The following ARHGEF7 variants were observed in gnomAD, a reference collection of about 807,000 sequenced individuals.
ARHGEF7 encodes PAK-interacting exchange factor beta.
A neutral mutation model predicts 109.8 loss-of-function variants in ARHGEF7; 33 were observed. The ratio of observed to expected loss-of-function variants is 0.30; its 90% CI spans 0.23 to 0.40. The LOEUF (loss-of-function observed/expected upper bound fraction) is 0.40, where lower values mean the gene tolerates loss of function less well. ARHGEF7 is among the 10% of genes least tolerant of loss of function. ARHGEF7 has a pLI of 1.00. For synonymous variants in ARHGEF7, 458 were observed against 424.6 expected, an observed-to-expected ratio of 1.08 and a Z score of -0.97; for missense variants, 938 against 1,098.5, an observed-to-expected ratio of 0.85 and a Z score of 2.07.
intron 6 of ARHGEF7, among the ~76,000 whole-genome samples, chr13:111,242,570 T>G (rs1595098838): frequency 6.6e-6 from 1 of 152,226 alleles, no homozygotes; most frequent in South Asian, 2.1e-4. Flanking sequence ...TGTAATGTGA[T>G]TTCCTGATTT....
At chr13:111,171,246 A>G (rs1425839083) in intron 2 of ARHGEF7, among the ~76,000 whole-genome samples, 1 of 152,186 alleles carries the variant, frequency 6.6e-6, no homozygotes, top group African/African-American at 2.4e-5. Flanking sequence ...GGAGGCTAAG[A>G]TAGTTTAAAC....
intron 2 of ARHGEF7, among the ~76,000 whole-genome samples, chr13:111,185,552 A>T (rs796345747): frequency 3.3e-5 from 5 of 152,280 alleles, no homozygotes; most frequent in African/African-American, 1.2e-4. Flanking sequence ...TTTTGAAGTT[A>T]ATGGAATGGG....
chr13:111,139,539 TGGGTGCCTGCGTGGAGCACTGGC>T lies in ARHGEF7; in HGVS notation c.166-14333_166-14311del, dbSNP rs758428255. The stretch of plus-strand genomic sequence containing the variant: ...CACCCTGTGAAACCTGTGGCTCTTG[TGGGTGCCTGCGTGGAGCACTGGC>T]GGGTGCCTGCGTGGAGCACTGGCGG... On this transcript the variant is annotated intron_variant, in intron 1 of 21. Transcript: ENST00000646102. 4.3e-3 allele frequency among the ~76,000 whole-genome samples: 621 copies of T among 143,854 alleles called. 1 individual carries two copies. Among genetic ancestry groups the T allele is most frequent in the Admixed American group, 9.5e-3 (139 of 14,586 alleles). The allele number at this position is 143,854 out of a possible 152,430, so 94.4% of individuals were successfully genotyped here.
chr13:111,189,205 G>C (rs971829474), intron 2 of ARHGEF7, among the ~76,000 whole-genome samples: 50 of 152,334 alleles, frequency 3.3e-4, no homozygotes, highest in African/African-American at 1.1e-3. Context: ...TGCCTCTTCT[G>C]TCATATTTTG....
chr13:111,133,803 A>ATC, intron 1 of ARHGEF7, among the ~76,000 whole-genome samples: 1 of 31,840 alleles, frequency 3.1e-5, no homozygotes, highest in African/African-American at 1.0e-4. Context: ...ATATATATAT[A>ATC]TATATATATA....
chr13:111,200,061 G>A (rs1243366682), intron 2 of ARHGEF7, among the ~76,000 whole-genome samples: 1 of 151,978 alleles, frequency 6.6e-6, no homozygotes, highest in Non-Finnish European at 1.5e-5. Flanking sequence ...TGGACTACTC[G>A]GTGACTCCTC....
chr13:111,175,594 G>A (rs749799816), intron 2 of ARHGEF7, among the ~76,000 whole-genome samples: 20 of 152,280 alleles, frequency 1.3e-4, no homozygotes, highest in Non-Finnish European at 2.1e-4. Context: ...CCCAGGGGCG[G>A]GCCTCCTAAG....
chr13:111,121,408 A>G (rs998701769), intron 1 of ARHGEF7, among the ~76,000 whole-genome samples: 1 of 152,236 alleles, frequency 6.6e-6, no homozygotes, highest in African/African-American at 2.4e-5. Context: ...TACACCACAC[A>G]CACTTTTAAA....
At chr13:111,171,888 C>T (rs1046966167) in intron 2 of ARHGEF7, among the ~76,000 whole-genome samples, 2 of 152,156 alleles carry the variant, frequency 1.3e-5, no homozygotes, top group South Asian at 4.1e-4. Flanking sequence ...GACCTCTGCC[C>T]CCGTGCCATG....
rs919089607 is a variant in ARHGEF7, at chr13:111,274,885, A to G, written c.1272+95A>G. ...ACTGAAAAAGTCAAATGATTAAAAA[A>G]TGACTTGTGCTGACATGAAAGAAAA... On this transcript the variant is annotated intron_variant, in intron 11 of 21. Transcript: ENST00000646102. 4.5e-6 allele frequency: 4 copies of G among 891,278 alleles called. No individual in the cohort carries two copies. The African/African-American group carries it at 7.0e-5, about 16-fold the overall frequency. The allele number at this position is 891,278 out of a possible 1,614,324, so 55.2% of individuals were successfully genotyped here.
chr13:111,279,288 C>G (rs1230927714), intron 13 of ARHGEF7, among the ~76,000 whole-genome samples: 1 of 152,082 alleles, frequency 6.6e-6, no homozygotes, highest in Non-Finnish European at 1.5e-5. Flanking sequence ...AGCCTGGGCA[C>G]TGCTGACGTT....
Position 111,131,854 on chromosome 13 carries a change from G to C in ARHGEF7, c.165+16163G>C, listed in dbSNP as rs1224061946. ...GAGCCCACATACTGGAGCAATGCAG[G>C]CATGCCCAGGACTGAAGAGGGGGCT... is the stretch of plus-strand genomic sequence containing the variant. On this transcript the variant is annotated intron_variant, in intron 1 of 21. Coordinates refer to ENST00000646102, the MANE Select transcript of ARHGEF7 (RefSeq NM_001354046.2). This position sits in a 1 kb window ranked among gnomAD's most constrained non-coding sequence, Gnocchi z 4.4. Among the ~76,000 whole-genome samples the C allele has an allele frequency of 6.6e-6, 1 of 152,198 alleles. No homozygotes were observed. Among genetic ancestry groups the C allele is most frequent in the Non-Finnish European group, 1.5e-5 (1 of 68,024 alleles).
At chr13:111,191,053 C>T (rs946517414) in intron 2 of ARHGEF7, among the ~76,000 whole-genome samples, 4 of 152,040 alleles carry the variant, frequency 2.6e-5, no homozygotes, top group African/African-American at 9.7e-5. Flanking sequence ...AGAAAGCATT[C>T]ACTAGTGGTG....
At chr13:111,269,070 T>C (rs547684373) in intron 9 of ARHGEF7, among the ~76,000 whole-genome samples, 2 of 152,294 alleles carry the variant, frequency 1.3e-5, no homozygotes, top group African/African-American at 4.8e-5. Context: ...GAACCCTCCC[T>C]CTGCACGTCC....
chr13:111,134,406 C>A (rs1421189737), intron 1 of ARHGEF7, among the ~76,000 whole-genome samples: 4 of 152,218 alleles, frequency 2.6e-5, no homozygotes, highest in Non-Finnish European at 5.9e-5. Flanking sequence ...TACAGTCCCA[C>A]CAACAGTGTA....
intron 2 of ARHGEF7, among the ~76,000 whole-genome samples, chr13:111,199,742 G>A (rs748757220): frequency 5.9e-5 from 9 of 152,210 alleles, no homozygotes; most frequent in Non-Finnish European, 1.2e-4. Context: ...AGATTGTAGA[G>A]CCTTTGATGA....
intron 4 of ARHGEF7, 84 bp from the exon 5 acceptor site, chr13:111,217,595 T>G: frequency 7.7e-7 from 1 of 1,292,236 alleles, no homozygotes; most frequent in Non-Finnish European, 1.1e-6. Context: ...TATGCTACCT[T>G]TGTACTAGTA....
intron 13 of ARHGEF7, 62 bp from the exon 14 acceptor site, chr13:111,280,210 T>C: frequency 6.7e-7 from 1 of 1,486,392 alleles, no homozygotes; most frequent in Non-Finnish European, 9.2e-7. Flanking sequence ...ACTTTAATAA[T>C]GGTACCTTTT....
intron 4 of ARHGEF7, among the ~76,000 whole-genome samples, chr13:111,217,342 G>A (rs1342030297): frequency 2.0e-5 from 3 of 152,234 alleles, no homozygotes; most frequent in Non-Finnish European, 4.4e-5. Context: ...GTAAGCACCA[G>A]TAAGTACTGC....
Sources: gnomAD v4.1 joint callset for allele counts (sites outside exome capture counted in the v4.1 genomes callset) on GRCh38, gnomAD v4.1.1 for gene constraint, Gnocchi (gnomAD v3.1) non-coding constraint, MANE v1.5 for transcripts, NCBI Gene and HGNC (gene_info 2026-07-23, HGNC 2026-07-21) for gene names.